ESR1: variants seen among roughly 807,000 people sequenced by gnomAD.
ESR1 encodes estrogen receptor.
ESR1 carries 12 observed loss-of-function variants against 52.7 expected under a neutral mutation model. The ratio of observed to expected loss-of-function variants is 0.23; its 90% CI spans 0.15 to 0.37. The LOEUF is 0.37. Ranked by LOEUF, ESR1 falls within the 10% of genes least tolerant of loss-of-function variation. ESR1 has a pLI of 1.00. For missense variants in ESR1, 584 were observed against 779.7 expected, an observed-to-expected ratio of 0.75 and a Z score of 2.99; for synonymous variants, 305 against 316.8, an observed-to-expected ratio of 0.96 and a Z score of 0.39.
chr6:151,792,376 TTTTTC>T (rs1239738048), intron 2 of ESR1, among the ~76,000 whole-genome samples: 6 of 152,108 alleles, frequency 3.9e-5, no homozygotes, highest in Non-Finnish European at 1.5e-5. Context: ...TTATTAAAAA[TTTTTC>T]TTTCTTCAAT....
chr6:152,104,691 G>T (rs1337724329), downstream of ESR1, among the ~76,000 whole-genome samples: 1 of 152,146 alleles, frequency 6.6e-6, no homozygotes, highest in Non-Finnish European at 1.5e-5. Flanking sequence ...AGGCTCTTTT[G>T]TTCTAATATT....
intron 1 of ESR1, among the ~76,000 whole-genome samples, chr6:151,841,824 C>T (rs953550419): frequency 1.3e-5 from 2 of 152,070 alleles, no homozygotes; most frequent in Admixed American, 6.6e-5. Flanking sequence ...GTGATTCTCC[C>T]ACCTCAGCCT....
At chr6:152,020,787 G>A (rs1013074365) in intron 5 of ESR1, among the ~76,000 whole-genome samples, 1 of 152,000 alleles carries the variant, frequency 6.6e-6, no homozygotes, top group Non-Finnish European at 1.5e-5. Flanking sequence ...TAGAGGTTTG[G>A]CTTCAAATAA....
chr6:151,931,016 G>GT lies in ESR1; in HGVS notation c.761-13150dup, dbSNP rs574334324. On this transcript the variant is annotated intron_variant, in intron 3 of 7. Transcript: ENST00000206249. ...AATATGCCTAGGTGTTGTTTGTTTT[G>GT]TTTTTTTGTAAGGAGTGGCATGTAT... Among the ~76,000 whole-genome samples the GT allele has an allele frequency of 5.6e-4, 85 of 151,866 alleles. 1 individual carries two copies. The highest frequency in any genetic ancestry group is 2.7e-3 in the East Asian group (14 of 5,166).
chr6:151,838,612 C>A (rs1314485548), intron 1 of ESR1, among the ~76,000 whole-genome samples: 1 of 152,138 alleles, frequency 6.6e-6, no homozygotes, highest in East Asian at 1.9e-4. Context: ...TCTTGGAGCC[C>A]AGAGGAAGAC....
At chr6:151,927,269 C>T (rs761041567) in intron 3 of ESR1, among the ~76,000 whole-genome samples, 9 of 152,044 alleles carry the variant, frequency 5.9e-5, no homozygotes, top group Non-Finnish European at 1.0e-4. Context: ...AGATTTTGTG[C>T]CAGTGCTCAG....
chr6:151,768,383 TC>T (rs1785235890), intron 2 of ESR1, among the ~76,000 whole-genome samples: 1 of 152,194 alleles, frequency 6.6e-6, no homozygotes, highest in South Asian at 2.1e-4. Flanking sequence ...TGGCTAGAAC[TC>T]TTCAAAATTG....
At chr6:151,973,763 G>C (rs1034420619) in intron 4 of ESR1, among the ~76,000 whole-genome samples, 2 of 152,112 alleles carry the variant, frequency 1.3e-5, no homozygotes, top group Non-Finnish European at 1.5e-5. Context: ...GAAGTTTTGC[G>C]TCCTGTTGAA....
At chr6:152,088,107 T>C (rs1390457956) in intron 6 of ESR1, among the ~76,000 whole-genome samples, 1 of 152,228 alleles carries the variant, frequency 6.6e-6, no homozygotes, top group Non-Finnish European at 1.5e-5. Context: ...AAATGTAATG[T>C]ATTTTATAAC....
rs542516461 is a variant in ESR1, at chr6:151,944,110, T to A, written c.761-63T>A. Reference sequence around the variant, plus strand: ...TGAAAGCTGGTTAGCTTTGAAAATTTTTTGTATAAAAGTTTACACGGGAAA... The same window carrying A: ...TGAAAGCTGGTTAGCTTTGAAAATTATTTGTATAAAAGTTTACACGGGAAA... On this transcript the variant is annotated intron_variant, in intron 3 of 7. Coordinates refer to ENST00000206249, the MANE Select transcript of ESR1 (RefSeq NM_000125.4). 188 of 1,466,030 alleles carry A rather than the reference T, an allele frequency of 1.3e-4. 1 individual carries two copies. Among genetic ancestry groups the A allele is most frequent in the South Asian group, 1.1e-3 (95 of 85,580 alleles). 90.8% of individuals were successfully genotyped at this position (1,466,030 alleles called of 1,614,324 possible).
At chr6:152,073,862 C>T (rs980245585) in intron 6 of ESR1, among the ~76,000 whole-genome samples, 15 of 152,070 alleles carry the variant, frequency 9.9e-5, no homozygotes, top group African/African-American at 3.4e-4. Context: ...CTTCCTTTCG[C>T]CTCAGTTTCC....
intron 6 of ESR1, among the ~76,000 whole-genome samples, chr6:152,067,007 C>T (rs1344359076): frequency 6.6e-6 from 1 of 152,184 alleles, no homozygotes; most frequent in Non-Finnish European, 1.5e-5. Context: ...TTTAGTTATG[C>T]CCTCCAAATA....
At chr6:151,974,563 A>G (rs1392544366) in intron 4 of ESR1, among the ~76,000 whole-genome samples, 1 of 152,208 alleles carries the variant, frequency 6.6e-6, no homozygotes, top group Non-Finnish European at 1.5e-5. Context: ...GCCAAATTAC[A>G]TTAAAACTGG....
intron 5 of ESR1, among the ~76,000 whole-genome samples, chr6:152,058,723 A>G (rs2047306589): frequency 1.3e-5 from 2 of 152,130 alleles, no homozygotes; most frequent in South Asian, 2.1e-4. Context: ...GACAGTGCCC[A>G]TGGCTTTCTT....
At chr6:151,865,167 A>G (rs558155782) in intron 2 of ESR1, among the ~76,000 whole-genome samples, 2 of 151,820 alleles carry the variant, frequency 1.3e-5, no homozygotes, top group African/African-American at 4.8e-5. Flanking sequence ...TTACATATGT[A>G]CACACACACA....
At chr6:151,884,213 T>C (rs1439594310) in intron 3 of ESR1, among the ~76,000 whole-genome samples, 1 of 152,226 alleles carries the variant, frequency 6.6e-6, no homozygotes, top group Non-Finnish European at 1.5e-5. Flanking sequence ...GTACTTGCCA[T>C]AAATCAATAT....
chr6:152,076,593 C>A (rs2048752688), intron 6 of ESR1, among the ~76,000 whole-genome samples: 2 of 152,142 alleles, frequency 1.3e-5, no homozygotes, highest in African/African-American at 2.4e-5. Context: ...AAGTTTGAAA[C>A]TTCCTAGAGA....
At chr6:151,913,574 A>G (rs1798607803) in intron 3 of ESR1, among the ~76,000 whole-genome samples, 1 of 152,218 alleles carries the variant, frequency 6.6e-6, no homozygotes. Flanking sequence ...TGTATTTCAT[A>G]ATTGTGATTA....
chr6:151,927,043 T>G (rs1347205113), intron 3 of ESR1, among the ~76,000 whole-genome samples: 3 of 152,190 alleles, frequency 2.0e-5, no homozygotes, highest in African/African-American at 7.2e-5. Flanking sequence ...TTGCTGAGTT[T>G]TTAATCATAA....
Sources: allele counts gnomAD v4.1 joint callset (sites outside exome capture counted in the v4.1 genomes callset), GRCh38; gene constraint gnomAD v4.1.1; transcripts MANE v1.5; gene names NCBI Gene and HGNC (gene_info 2026-07-23, HGNC 2026-07-21).